Variants in DOP1A observed in about 807,000 individuals in gnomAD.
DOP1A encodes DOP1 leucine zipper like protein A.
A neutral mutation model predicts 267.6 loss-of-function variants in DOP1A; 90 were observed. The observed-to-expected ratio is 0.34, with a 90% CI of 0.28 to 0.40. The LOEUF (loss-of-function observed/expected upper bound fraction) is 0.40, where lower values mean the gene tolerates loss of function less well. DOP1A is among the 10% of genes least tolerant of loss of function. DOP1A has a pLI of 1.00. For synonymous variants in DOP1A, 932 were observed against 999.1 expected, an observed-to-expected ratio of 0.93 and a Z score of 1.27; for missense variants, 2,437 against 2,900.4, an observed-to-expected ratio of 0.84 and a Z score of 3.67.
chr6:83,170,361 C>CA (rs758513312), downstream of DOP1A: 3 of 1,614,172 alleles, frequency 1.9e-6, no homozygotes, highest in Non-Finnish European at 2.5e-6. Flanking sequence ...GAGGGCCGGA[C>CA]AAAAGCTCGA....
chr6:83,160,974 CAT>C (rs144188690), intron 37 of DOP1A, among the ~76,000 whole-genome samples: 16 of 149,508 alleles, frequency 1.1e-4, no homozygotes, highest in Middle Eastern at 3.4e-3. Context: ...ACTTGAAAAC[CAT>C]ATATATATAT....
At chr6:83,085,773 G>A (rs1454080191) in intron 1 of DOP1A, among the ~76,000 whole-genome samples, 1 of 141,598 alleles carries the variant, frequency 7.1e-6, no homozygotes, top group African/African-American at 2.6e-5. Context: ...GGTTTTTTGC[G>A]GTATTTTATG....
At chr6:83,142,069 C>G in intron 24 of DOP1A, 23 bp downstream of exon 24, 1 of 1,606,724 alleles carries the variant, frequency 6.2e-7, no homozygotes, top group Non-Finnish European at 8.5e-7. Flanking sequence ...ACATTTGGCA[C>G]TTTTTGTTTT....
intron 3 of DOP1A, among the ~76,000 whole-genome samples, chr6:83,098,715 C>T (rs1340179488): frequency 3.9e-5 from 6 of 152,096 alleles, no homozygotes; most frequent in East Asian, 1.9e-4. Context: ...CAGGAACCTC[C>T]GCATGTGTTC....
intron 1 of DOP1A, among the ~76,000 whole-genome samples, chr6:83,085,788 GTTATGT>G: frequency 7.8e-6 from 1 of 128,674 alleles, no homozygotes; most frequent in East Asian, 2.9e-4. Flanking sequence ...TTTATGTTAT[GTTATGT>G]TATGTTATGT....
intron 1 of DOP1A, among the ~76,000 whole-genome samples, chr6:83,074,872 A>G (rs1007549308): frequency 1.3e-5 from 2 of 152,232 alleles, no homozygotes; most frequent in Non-Finnish European, 2.9e-5. Flanking sequence ...GCAATGCTAA[A>G]TGAAATGTTG....
At chr6:83,121,047 C>G (rs902477987) in intron 10 of DOP1A, among the ~76,000 whole-genome samples, 2 of 151,748 alleles carry the variant, frequency 1.3e-5, no homozygotes, top group African/African-American at 4.8e-5. Context: ...TCTCTTAATC[C>G]TGATTGTATT....
chr6:83,102,850 T>C (rs1055995496), intron 4 of DOP1A, among the ~76,000 whole-genome samples: 6 of 152,336 alleles, frequency 3.9e-5, no homozygotes, highest in Non-Finnish European at 7.4e-5. Context: ...ACCTCAACTC[T>C]TAATAAACTA....
intron 4 of DOP1A, among the ~76,000 whole-genome samples, chr6:83,105,430 T>A (rs1432239761): frequency 7.9e-6 from 1 of 127,244 alleles, no homozygotes; most frequent in Non-Finnish European, 1.6e-5. Context: ...AGTGGCACAA[T>A]CTTGGCCCAC....
At position 83,135,629 on chromosome 6, in the gene DOP1A, A is replaced by C; in HGVS notation, c.2881A>C (p.Ile961Leu). The change falls in exon 20 of 39, where the codon ATC becomes CTC. Residue 961 changes from isoleucine to leucine, a missense_variant. Around this residue, in one of 9 missense-constraint regions of DOP1A, gnomAD observed 878 missense variants for 992.9 expected, o/e 0.88. Transcript: ENST00000349129. ...TTGTGTTTATTTTAGGTCACTGTTC[A>C]TCATGTTAGATAGCCTTAACAGTCT... Reference protein sequence around the residue: ...FVRSFDRSLFIMLDSLNSLDG... With the variant: ...FVRSFDRSLFLMLDSLNSLDG... 1 of 1,612,842 alleles carries C rather than the reference A, an allele frequency of 6.2e-7. No individual in the cohort carries two copies. Among genetic ancestry groups the C allele is most frequent in the Non-Finnish European group, 8.5e-7 (1 of 1,179,128 alleles).
downstream of DOP1A, chr6:83,170,289 A>C (rs1786834094): frequency 6.2e-7 from 1 of 1,612,818 alleles, no homozygotes; most frequent in Admixed American, 1.7e-5. Context: ...TTTTCAATAG[A>C]ACTATCCCAG....
Position 83,154,258 on chromosome 6 carries a change from G to T in DOP1A, c.6451+17G>T. On this transcript the variant is annotated intron_variant, in intron 33 of 38. Transcript: ENST00000349129. The stretch of plus-strand genomic sequence containing the variant: ...ATTTGATGAGTGAGTATTACGGGAT[G>T]ACAATCCAAGTTCTTTCCTGTACAT... 1.2e-6 allele frequency: 2 copies of T among 1,607,006 alleles called. No individual in the cohort carries two copies. Among genetic ancestry groups the T allele is most frequent in the South Asian group, 2.2e-5 (2 of 90,840 alleles).
At chr6:83,085,777 T>TG (rs1174703096) in intron 1 of DOP1A, among the ~76,000 whole-genome samples, 14 of 144,252 alleles carry the variant, frequency 9.7e-5, no homozygotes, top group Non-Finnish European at 1.8e-4. Flanking sequence ...TTTTGCGGTA[T>TG]TTTATGTTAT....
At chr6:83,082,871 G>A (rs369699087) in intron 1 of DOP1A, among the ~76,000 whole-genome samples, 9 of 150,476 alleles carry the variant, frequency 6.0e-5, no homozygotes, top group African/African-American at 1.7e-4. Context: ...GCAGTGGTGC[G>A]GTCTCCACTC....
intron 4 of DOP1A, among the ~76,000 whole-genome samples, chr6:83,101,185 T>G (rs2128136302): frequency 6.6e-6 from 1 of 152,092 alleles, no homozygotes; most frequent in Middle Eastern, 3.4e-3. Context: ...CCGACTAATT[T>G]TTTTGTATTT....
intron 15 of DOP1A, among the ~76,000 whole-genome samples, chr6:83,127,531 A>G (rs1777383825): frequency 2.6e-5 from 4 of 152,208 alleles, no homozygotes; most frequent in Admixed American, 2.0e-4. Flanking sequence ...AGCACCGGGA[A>G]GGCCCTGAAG....
At chr6:83,152,141 C>A in intron 29 of DOP1A, 114 bp downstream of exon 29, 2 of 1,248,520 alleles carry the variant, frequency 1.6e-6, no homozygotes, top group East Asian at 2.5e-5. Context: ...TCATGTCTAA[C>A]AAGTAACTTT....
chr6:83,145,422 A>G, intron 24 of DOP1A, 102 bp from the exon 25 acceptor site: 1 of 1,078,678 alleles, frequency 9.3e-7, no homozygotes, highest in Non-Finnish European at 1.3e-6. Flanking sequence ...ATCTCCATTT[A>G]AAAAATATAA....
At chr6:83,160,110 T>C in intron 37 of DOP1A, 150 bp downstream of exon 37, 4 of 778,098 alleles carry the variant, frequency 5.1e-6, no homozygotes, top group South Asian at 1.9e-5. Context: ...AGCAGAGTTA[T>C]CGGAAGTAAA....
Sources: allele counts gnomAD v4.1 joint callset (sites outside exome capture counted in the v4.1 genomes callset), GRCh38; gene constraint gnomAD v4.1.1; regional missense constraint gnomAD v4.1.1; transcripts MANE v1.5; gene names NCBI Gene and HGNC (gene_info 2026-07-23, HGNC 2026-07-21).